ITGAD: variants seen among roughly 807,000 people sequenced by gnomAD.
The protein encoded by ITGAD is integrin subunit alpha D.
Under a neutral mutation model 139.0 loss-of-function variants are expected in ITGAD, and 105 were observed. The observed-to-expected ratio is 0.76, with a 90% CI of 0.65 to 0.89. The LOEUF is 0.89. ITGAD is among the 40% of genes least tolerant of loss of function. The pLI is 0.00. For missense variants in ITGAD, 1,384 were observed against 1,487.3 expected, an observed-to-expected ratio of 0.93 and a Z score of 1.14; for synonymous variants, 569 against 598.3, an observed-to-expected ratio of 0.95 and a Z score of 0.71.
intron 20 of ITGAD, among the ~76,000 whole-genome samples, chr16:31,417,682 C>A (rs1471272410): frequency 6.6e-6 from 1 of 152,162 alleles, no homozygotes; most frequent in Admixed American, 6.5e-5. Context: ...CAGTGGCTCA[C>A]ACCTGTAATC....
In ITGAD at chr16:31,393,383, T is replaced by C. The variant is rs1383299712; in HGVS notation, c.23T>C (p.Leu8Pro). 5.6e-6 allele frequency: 9 copies of C among 1,613,996 alleles called. No individual in the cohort carries two copies. The highest frequency in any genetic ancestry group is 1.3e-5 in the African/African-American group (1 of 74,922). ...GGGATGACCTTCGGCACTGTGCTTC[T>C]TCTGAGTGGTAAGTGGGGCCAGGGT... MTFGTVL[L>P]LSVLASYHGF... Residue 8 changes from leucine (L) to proline (P), a missense_variant, in exon 1 of 30, where the codon CTT becomes CCT. By Grantham distance (98) the Leu-to-Pro change is moderately conservative. Transcript: ENST00000389202.
At position 31,423,956 on chromosome 16, in the gene ITGAD, G is replaced by C. The variant is rs144344450; in HGVS notation, c.3157G>C (p.Glu1053Gln). The change falls in exon 27 of 30, where the codon GAG becomes CAG. Residue 1053 changes from glutamate (E) to glutamine (Q), a missense_variant and splice_region_variant. By Grantham distance (29) the Glu-to-Gln change is conservative. Coordinates refer to ENST00000389202, the MANE Select transcript of ITGAD (RefSeq NM_005353.3). ...KGNLSFGWVR[E>Q]TLQKKVLVVS... is the part of the protein sequence containing the mutation. ...CAATCTCAGTTTCGGCTGGGTCCGC[G>C]AGGTGTGTGGGGGCAGCGGCAGAGC... 1.4e-3 allele frequency: 2,189 copies of C among 1,614,102 alleles called. 1 individual carries two copies. Among genetic ancestry groups the C allele is most frequent in the Non-Finnish European group, 1.5e-3 (1,798 of 1,179,986 alleles).
chr16:31,418,383 G>A lies in ITGAD; in HGVS notation c.2696+3G>A. 2.5e-6 allele frequency: 4 copies of A among 1,613,850 alleles called. No individual in the cohort carries two copies. Among genetic ancestry groups the A allele is most frequent in the Non-Finnish European group, 3.4e-6 (4 of 1,179,802 alleles). ...CTTATGAGGGCCAGTGCAAGCAGGT[G>A]GGTCCAGGCCAGGGTATCCCCCACC... On this transcript the variant is annotated splice_donor_region_variant and intron_variant, in intron 22 of 29. Coordinates refer to ENST00000389202, the MANE Select transcript of ITGAD (RefSeq NM_005353.3).
rs994700020 is a variant in ITGAD, at chr16:31,407,498, C to T, written c.705-17C>T. On this transcript the variant is annotated splice_polypyrimidine_tract_variant and intron_variant, in intron 7 of 29. Transcript: ENST00000389202. ...AATCACATCTCAGTAGAGTCATCTTCCTTTCCTCCCCGACAGGACACAGCT... is the reference window on the plus strand; with the variant it reads ...AATCACATCTCAGTAGAGTCATCTTTCTTTCCTCCCCGACAGGACACAGCT... 1.9e-6 allele frequency: 3 copies of T among 1,555,574 alleles called. No individual in the cohort carries two copies. Among genetic ancestry groups the T allele is most frequent in the South Asian group, 2.4e-5 (2 of 82,112 alleles).
chr16:31,416,525 G>T lies in ITGAD; in HGVS notation c.2378G>T (p.Gly793Val), dbSNP rs1157307010. 1 of 1,612,344 alleles carries T rather than the reference G, an allele frequency of 6.2e-7. No individual in the cohort carries two copies. Among genetic ancestry groups the T allele is most frequent in the Non-Finnish European group, 8.5e-7 (1 of 1,178,518 alleles). Residue 793 changes from glycine (G) to valine (V), a missense_variant, in exon 20 of 30, where the codon GGG (glycine) becomes GTG (valine). Transcript: ENST00000389202. ...SFSGLQTLTVGSSLELNVIVT... is the reference protein window; with the variant it reads ...SFSGLQTLTVVSSLELNVIVT... ...TTCAGCCTGCAGACCCTGACCGTGG[G>T]GAGCTCCCTGGAGCTCAACGTGATT...
chr16:31,397,816 A>G lies in ITGAD; in HGVS notation c.334A>G (p.Arg112Gly), dbSNP rs1208067274. The change falls in exon 5 of 30, where the codon AGA becomes GGA. Residue 112 changes from arginine (R) to glycine (G), a missense_variant. By Grantham distance (125) the Arg-to-Gly change is moderately radical (BLOSUM62 -2). Coordinates refer to ENST00000389202, the MANE Select transcript of ITGAD (RefSeq NM_005353.3). ...RLLACGPTLH[R>G]VCGENSYSKG... The stretch of plus-strand genomic sequence containing the variant: ...CCAGGCCTGTGGCCCGACCCTGCAC[A>G]GAGTCTGTGGGGAGAACTCATACTC... 3 of 1,613,526 alleles carry G rather than the reference A, an allele frequency of 1.9e-6. No individual in the cohort carries two copies. The South Asian group carries it at 3.3e-5, about 18-fold the overall frequency.
chr16:31,412,605 G>C (rs1205043396), intron 14 of ITGAD, among the ~76,000 whole-genome samples: 1 of 152,154 alleles, frequency 6.6e-6, no homozygotes, highest in Non-Finnish European at 1.5e-5. Flanking sequence ...TTGATTGAAT[G>C]AATGACACTC....
In ITGAD at chr16:31,426,007, C is replaced by G. The variant is rs1191941670; in HGVS notation, c.3373-8C>G. On this transcript the variant is annotated splice_region_variant and splice_polypyrimidine_tract_variant and intron_variant, in intron 29 of 29. Transcript: ENST00000389202. ...TACCCAGCTTTTCTAATTTATTTCC[C>G]CTGATAGCTTGGCTTCTTCAAACGC... 6.3e-7 allele frequency: 1 copy of G among 1,598,768 alleles called. No individual in the cohort carries two copies. Among genetic ancestry groups the G allele is most frequent in the Non-Finnish European group, 8.6e-7 (1 of 1,166,276 alleles).
At chr16:31,414,336 C>G (rs2081824386) in intron 16 of ITGAD, 115 bp from the exon 17 acceptor site, 1 of 1,070,876 alleles carries the variant, frequency 9.3e-7, no homozygotes, top group Admixed American at 2.2e-5. Flanking sequence ...GCACGTGGTA[C>G]AGTTCATGGC....
At chr16:31,416,371 T>C in intron 19 of ITGAD, 85 bp downstream of exon 19, 1 of 1,507,212 alleles carries the variant, frequency 6.6e-7, no homozygotes, top group Non-Finnish European at 9.1e-7. Context: ...TCTCTGGCTC[T>C]TTCTAACAAA....
intron 23 of ITGAD, among the ~76,000 whole-genome samples, chr16:31,418,949 G>T (rs961490824): frequency 6.6e-6 from 1 of 151,738 alleles, no homozygotes; most frequent in Non-Finnish European, 1.5e-5. Context: ...ACTTGAATCC[G>T]GGAGGCGGAG....
At chr16:31,420,481 T>C (rs1363041078) in intron 23 of ITGAD, among the ~76,000 whole-genome samples, 1 of 151,966 alleles carries the variant, frequency 6.6e-6, no homozygotes, top group Admixed American at 6.6e-5. Context: ...CACTGCAACC[T>C]CCACCTCCCA....
At chr16:31,419,416 T>G (rs1470671628) in intron 23 of ITGAD, among the ~76,000 whole-genome samples, 1 of 152,196 alleles carries the variant, frequency 6.6e-6, no homozygotes, top group Non-Finnish European at 1.5e-5. Context: ...TGCATGGGTT[T>G]GTAGCCCAGG....
chr16:31,424,212 C>A lies in ITGAD; in HGVS notation c.3261+9C>A, dbSNP rs764147512. The A allele has an allele frequency of 6.2e-7, 1 of 1,613,972 alleles. No homozygotes were observed. On this transcript the variant is annotated intron_variant, in intron 28 of 29. Coordinates refer to ENST00000389202, the MANE Select transcript of ITGAD (RefSeq NM_005353.3). ...CATTTATGAGAGCTCAGGTAGAGACCATGTGGAGGGCAGCGACCAGCTGGA... is the reference window on the plus strand; with the variant it reads ...CATTTATGAGAGCTCAGGTAGAGACAATGTGGAGGGCAGCGACCAGCTGGA...
chr16:31,398,427 CAA>C lies in ITGAD; in HGVS notation c.427+533_427+534del, dbSNP rs941556814. 4.8e-3 allele frequency among the ~76,000 whole-genome samples: 352 copies of C among 73,268 alleles called. 1 individual carries two copies. Among genetic ancestry groups the C allele is most frequent in the African/African-American group, 0.015 (325 of 21,480 alleles). 48.1% of individuals were successfully genotyped at this position (73,268 alleles called of 152,430 possible). On this transcript the variant is annotated intron_variant, in intron 5 of 29. Coordinates refer to ENST00000389202, the MANE Select transcript of ITGAD (RefSeq NM_005353.3). Reference sequence around the variant, plus strand: ...GGGTGACAAGAGCAAAACTCCATCTCAAAAAAAAAAAAAAAACAAAAAACAGA... The same window carrying C: ...GGGTGACAAGAGCAAAACTCCATCTCAAAAAAAAAAAAAACAAAAAACAGA...
intron 5 of ITGAD, 60 bp from the exon 6 acceptor site, chr16:31,402,055 G>A (rs976750077): frequency 6.3e-7 from 1 of 1,575,688 alleles, no homozygotes; most frequent in Non-Finnish European, 8.7e-7. Context: ...TTGAGCAGGA[G>A]CTGCAGGAGG....
At position 31,403,595 on chromosome 16, in the gene ITGAD, C is replaced by T. The variant is rs371185653; in HGVS notation, c.654C>T (p.Ile218=). 2.6e-5 allele frequency: 42 copies of T among 1,614,090 alleles called. No homozygotes were observed. Among genetic ancestry groups the T allele is most frequent in the Middle Eastern group, 3.3e-4 (2 of 6,084 alleles). The part of the protein sequence containing the change: ...SPSQQSLVDP[I]VQLKGLTFTA... ...GCCAGCAGAGCCTGGTGGATCCCAT[C>T]GTCCAACTGAAAGGCCTGACGTTCA... The change falls in exon 7 of 30, where the codon ATC becomes ATT. Residue 218 remains isoleucine (I), a synonymous_variant. Transcript: ENST00000389202. This position sits in a 1 kb window ranked among gnomAD's most constrained non-coding sequence, Gnocchi z 4.4.
At position 31,411,426 on chromosome 16, in the gene ITGAD, C is replaced by A; in HGVS notation, c.1616C>A (p.Ala539Asp). Residue 539 changes from alanine to aspartate, a missense_variant, in exon 14 of 30, where the codon GCC becomes GAC. Coordinates refer to ENST00000389202, the MANE Select transcript of ITGAD (RefSeq NM_005353.3). ...DVNEDKLIDV[A>D]IGAPGEQENR... The stretch of plus-strand genomic sequence containing the variant: ...AATGAGGACAAGCTGATAGACGTGG[C>A]CATTGGGGCCCCGGGAGAGCAGGAG... The A allele has an allele frequency of 6.2e-7, 1 of 1,613,886 alleles. No individual in the cohort carries two copies. Among genetic ancestry groups the A allele is most frequent in the African/African-American group, 1.3e-5 (1 of 74,954 alleles).
intron 5 of ITGAD, among the ~76,000 whole-genome samples, chr16:31,399,757 G>A (rs2081358514): frequency 6.6e-6 from 1 of 152,182 alleles, no homozygotes; most frequent in African/African-American, 2.4e-5. Flanking sequence ...GGGGGGTGTG[G>A]GTCCAAGTAG....
Sources: allele counts gnomAD v4.1 joint callset (sites outside exome capture counted in the v4.1 genomes callset), GRCh38; gene constraint gnomAD v4.1.1; non-coding constraint Gnocchi (gnomAD v3.1); transcripts MANE v1.5; gene names NCBI Gene and HGNC (gene_info 2026-07-23, HGNC 2026-07-21).